Variants in MARCHF1 observed in about 807,000 individuals in gnomAD.
MARCHF1 encodes the protein membrane associated ring-CH-type finger 1.
A neutral mutation model predicts 54.2 loss-of-function variants in MARCHF1; 40 were observed. The ratio of observed to expected loss-of-function variants is 0.74; its 90% CI spans 0.57 to 0.96. The LOEUF (loss-of-function observed/expected upper bound fraction) is 0.96. MARCHF1 is among the 40% of genes least tolerant of loss of function. The probability of loss-of-function intolerance (pLI) is 0.00; values close to 1 mark genes in which losing one functional copy is unlikely to be tolerated. For missense variants in MARCHF1, 586 were observed against 656.5 expected (o/e 0.89, Z 1.17); for synonymous variants, 236 against 236.3 (o/e 1.00, Z 0.01).
intron 1 of MARCHF1, among the ~76,000 whole-genome samples, chr4:164,363,983 T>C (rs1047049187): frequency 6.6e-6 from 1 of 152,086 alleles, no homozygotes; most frequent in Non-Finnish European, 1.5e-5. Flanking sequence ...AAAGAATGAA[T>C]ATTTTCCTTT....
chr4:163,551,200 A>G (rs1307615322), intron 8 of MARCHF1, among the ~76,000 whole-genome samples: 1 of 152,234 alleles, frequency 6.6e-6, no homozygotes, highest in Non-Finnish European at 1.5e-5. Context: ...AATGATTCAG[A>G]GTTAGCTCAT....
intron 1 of MARCHF1, among the ~76,000 whole-genome samples, chr4:164,124,479 T>C (rs1312345871): frequency 6.6e-6 from 1 of 152,190 alleles, no homozygotes; most frequent in African/African-American, 2.4e-5. Context: ...TCTGCACTCA[T>C]GTTTGCTGCA....
At position 163,647,151 on chromosome 4, in the gene MARCHF1, A is replaced by G. The variant is rs751053500; in HGVS notation, c.163-33758T>C. Among the ~76,000 whole-genome samples the G allele has an allele frequency of 1.5e-4, 23 of 152,062 alleles. 1 individual carries two copies. Among genetic ancestry groups the G allele is most frequent in the Non-Finnish European group, 2.8e-4 (19 of 67,938 alleles). On this transcript the variant is annotated intron_variant, in intron 5 of 9. Transcript: ENST00000514618. ...AATAGACCTTAAGTCAAAAAATGTT[A>G]AAGTAGACAAAGAAGGTCACTATAT...
At chr4:164,049,114 TTAAC>T (rs879673379) in intron 2 of MARCHF1, among the ~76,000 whole-genome samples, 14 of 152,204 alleles carry the variant, frequency 9.2e-5, no homozygotes, top group Non-Finnish European at 1.8e-4. Context: ...GAAAAGAAGT[TTAAC>T]TGACTTACAG....
intron 3 of MARCHF1, among the ~76,000 whole-genome samples, chr4:163,888,104 G>C (rs981155921): frequency 6.6e-6 from 1 of 152,096 alleles, no homozygotes; most frequent in African/African-American, 2.4e-5. Flanking sequence ...CCTATGTTGG[G>C]TGCAACAAAC....
At chr4:163,689,209 A>T (rs979808797) in intron 5 of MARCHF1, among the ~76,000 whole-genome samples, 3 of 152,142 alleles carry the variant, frequency 2.0e-5, no homozygotes, top group Non-Finnish European at 4.4e-5. Context: ...AATCTTCAGT[A>T]TTTCTTGTTA....
chr4:164,198,142 A>G lies in MARCHF1; in HGVS notation c.-322-86480T>C, dbSNP rs374474476. On this transcript the variant is annotated intron_variant, in intron 1 of 9. Coordinates refer to ENST00000514618, the MANE Select transcript of MARCHF1 (RefSeq NM_001394959.1). ...ATGCATCACAGAAATTAAATAACAC[A>G]ATGAACCATGAAAGACATATTTTGG... Among the ~76,000 whole-genome samples, 21 of 152,314 alleles carry G rather than the reference A, an allele frequency of 1.4e-4. No homozygotes were observed. In the South Asian group the frequency reaches 3.7e-3, roughly 27 times the overall value.
chr4:164,325,955 A>G (rs1413303320), intron 1 of MARCHF1, among the ~76,000 whole-genome samples: 1 of 152,212 alleles, frequency 6.6e-6, no homozygotes, highest in Non-Finnish European at 1.5e-5. Context: ...TGGCTATAAC[A>G]GGCACTCAAG....
chr4:163,754,905 G>C (rs1245110642), intron 4 of MARCHF1, among the ~76,000 whole-genome samples: 4 of 152,238 alleles, frequency 2.6e-5, no homozygotes, highest in Non-Finnish European at 5.9e-5. Flanking sequence ...GAGGGGAGAA[G>C]GAAGCAGAAA....
chr4:163,552,502 A>C (rs997439539), intron 8 of MARCHF1, among the ~76,000 whole-genome samples: 2 of 152,236 alleles, frequency 1.3e-5, no homozygotes, highest in African/African-American at 4.8e-5. Context: ...TAAGACCCTG[A>C]AATCAATGGC....
intron 2 of MARCHF1, among the ~76,000 whole-genome samples, chr4:164,019,173 T>A (rs1753608887): frequency 6.6e-6 from 1 of 152,158 alleles, no homozygotes; most frequent in Non-Finnish European, 1.5e-5. Flanking sequence ...TCTCTCTGTT[T>A]CTTACATTTC....
intron 3 of MARCHF1, among the ~76,000 whole-genome samples, chr4:163,871,799 C>T (rs914376926): frequency 1.1e-4 from 17 of 151,934 alleles, no homozygotes; most frequent in African/African-American, 3.9e-4. Flanking sequence ...TAAAATACAC[C>T]TTCATTTGTT....
chr4:164,002,864 C>A (rs1753212924), intron 2 of MARCHF1, among the ~76,000 whole-genome samples: 2 of 151,876 alleles, frequency 1.3e-5, no homozygotes, highest in South Asian at 4.2e-4. Flanking sequence ...AGAATCCTAC[C>A]AACTTATCTT....
chr4:164,349,175 C>T (rs990112745), intron 1 of MARCHF1, among the ~76,000 whole-genome samples: 1 of 152,158 alleles, frequency 6.6e-6, no homozygotes, highest in African/African-American at 2.4e-5. Flanking sequence ...TGCCCTGACT[C>T]ATAAGTTCAT....
intron 1 of MARCHF1, among the ~76,000 whole-genome samples, chr4:164,194,262 C>T (rs1436498573): frequency 6.6e-6 from 1 of 151,914 alleles, no homozygotes; most frequent in East Asian, 1.9e-4. Flanking sequence ...CTTTTTCTGC[C>T]TATAGCGCCA....
At chr4:164,163,151 T>G (rs781374907) in intron 1 of MARCHF1, among the ~76,000 whole-genome samples, 1 of 151,804 alleles carries the variant, frequency 6.6e-6, no homozygotes, top group Non-Finnish European at 1.5e-5. Flanking sequence ...AATAAAATTA[T>G]CCCACCTAGA....
At chr4:164,086,341 CTT>C (rs1262127334) in intron 2 of MARCHF1, among the ~76,000 whole-genome samples, 1 of 151,694 alleles carries the variant, frequency 6.6e-6, no homozygotes, top group Non-Finnish European at 1.5e-5. Flanking sequence ...AAAACTGTGT[CTT>C]ATAATTTGAG....
chr4:164,186,144 C>T lies in MARCHF1; in HGVS notation c.-322-74482G>A, dbSNP rs184186387. On this transcript the variant is annotated intron_variant, in intron 1 of 9. Coordinates refer to ENST00000514618, the MANE Select transcript of MARCHF1 (RefSeq NM_001394959.1). ...CTGACATCAGATGATCTGCCCGCCTCAGCCTCCCAAAGTGCTGGAATTACA... is the reference window on the plus strand; with the variant it reads ...CTGACATCAGATGATCTGCCCGCCTTAGCCTCCCAAAGTGCTGGAATTACA... 1.3e-3 allele frequency among the ~76,000 whole-genome samples: 205 copies of T among 152,266 alleles called. 2 individuals are homozygous for T. Among genetic ancestry groups the T allele is most frequent in the Non-Finnish European group, 5.3e-4 (36 of 68,018 alleles).
At chr4:163,736,319 A>G (rs1414671868) in intron 4 of MARCHF1, among the ~76,000 whole-genome samples, 1 of 152,148 alleles carries the variant, frequency 6.6e-6, no homozygotes, top group Non-Finnish European at 1.5e-5. Context: ...CTACTAAGTG[A>G]CTAAGGGGCA....
Sources: allele counts gnomAD v4.1 joint callset (sites outside exome capture counted in the v4.1 genomes callset), GRCh38; gene constraint gnomAD v4.1.1; transcripts MANE v1.5; gene names NCBI Gene and HGNC (gene_info 2026-07-23, HGNC 2026-07-21).